The following ADGRV1 variants were observed in gnomAD, a reference collection of about 807,000 sequenced individuals.
ADGRV1 encodes G-protein coupled receptor 98.
ADGRV1 carries 359 observed loss-of-function variants against 596.2 expected under a neutral mutation model. That is an observed-to-expected ratio of 0.60 (90% confidence interval 0.55 to 0.66). ADGRV1 has a LOEUF of 0.66. Ranked by LOEUF, ADGRV1 falls within the 30% of genes least tolerant of loss-of-function variation. The pLI, the probability that ADGRV1 is intolerant of heterozygous loss-of-function variation, is 0.00. For missense variants in ADGRV1, 7,274 were observed against 7,575.6 expected, an observed-to-expected ratio of 0.96 and a Z score of 1.48; for synonymous variants, 2,681 against 2,679.2, an observed-to-expected ratio of 1.00 and a Z score of -0.02.
chr5:90,987,307 T>C (rs1201285961), intron 85 of ADGRV1, among the ~76,000 whole-genome samples: 1 of 151,780 alleles, frequency 6.6e-6, no homozygotes, highest in African/African-American at 2.4e-5. Flanking sequence ...CCATCTCTAG[T>C]AAAAATACAA....
intron 21 of ADGRV1, among the ~76,000 whole-genome samples, chr5:90,662,539 C>T (rs1182041794): frequency 6.6e-6 from 1 of 151,948 alleles, no homozygotes; most frequent in Non-Finnish European, 1.5e-5. Context: ...TGTTATTTCT[C>T]TGTAAATTCA....
chr5:91,074,511 T>A (rs916102682), intron 86 of ADGRV1, among the ~76,000 whole-genome samples: 2 of 152,210 alleles, frequency 1.3e-5, no homozygotes, highest in African/African-American at 4.8e-5. Context: ...TGATCTCGGT[T>A]TTTTATGACT....
At chr5:90,743,015 A>C (rs77410088) in intron 50 of ADGRV1, among the ~76,000 whole-genome samples, 2,193 of 152,280 alleles carry the variant, frequency 0.014, 43 homozygotes, top group African/African-American at 0.05. Flanking sequence ...CAGAGTAAGC[A>C]CTACTGATTA....
rs769757245 is a variant in ADGRV1 at position 90,690,866 on chromosome 5, T to C, written c.6776T>C (p.Ile2259Thr). ...TCAGTGAAGGTAAACCTGCCAATAA[T>C]TCGAAATTCTGGGACACTCGGCAAT... ...FNSVKVNLPI[I>T]RNSGTLGNVT... Residue 2259 changes from isoleucine to threonine, a missense_variant, in exon 31 of 90, where the codon ATT becomes ACT. Coordinates refer to ENST00000405460, the MANE Select transcript of ADGRV1 (RefSeq NM_032119.4). 4 of 1,611,886 alleles carry C rather than the reference T, an allele frequency of 2.5e-6. No homozygotes were observed. In the East Asian group the frequency reaches 8.9e-5, roughly 36 times the overall value.
At chr5:90,638,152 T>C (rs895118737) in intron 11 of ADGRV1, among the ~76,000 whole-genome samples, 15 of 152,064 alleles carry the variant, frequency 9.9e-5, no homozygotes, top group African/African-American at 2.2e-4. Flanking sequence ...TCAGTGAATT[T>C]TTACCCTGCT....
At chr5:90,866,315 A>ATGTT (rs1554140382) in intron 83 of ADGRV1, among the ~76,000 whole-genome samples, 9 of 138,218 alleles carry the variant, frequency 6.5e-5, no homozygotes, top group African/African-American at 2.3e-4. Flanking sequence ...GTATGTGTAT[A>ATGTT]TGTGTGTGTG....
At chr5:90,919,689 A>G (rs891438127) in intron 83 of ADGRV1, among the ~76,000 whole-genome samples, 3 of 152,184 alleles carry the variant, frequency 2.0e-5, no homozygotes, top group Non-Finnish European at 2.9e-5. Flanking sequence ...ATGTACTACT[A>G]GAATAGAAAG....
chr5:90,951,871 C>T (rs12517229), intron 83 of ADGRV1, among the ~76,000 whole-genome samples: 3,056 of 152,112 alleles, frequency 0.02, 146 homozygotes, highest in East Asian at 0.16. Flanking sequence ...AAAGAGTTGA[C>T]GCTATTTTTA....
chr5:90,863,895 GT>G (rs1767843749), intron 83 of ADGRV1, 38 bp downstream of exon 83: 2 of 1,292,090 alleles, frequency 1.5e-6, no homozygotes, highest in Non-Finnish European at 2.2e-6. Context: ...ATCGTGAGAT[GT>G]TTGTGTTTCT....
intron 85 of ADGRV1, among the ~76,000 whole-genome samples, chr5:90,996,959 C>T (rs956505776): frequency 3.3e-5 from 5 of 152,158 alleles, no homozygotes; most frequent in Non-Finnish European, 7.3e-5. Flanking sequence ...GAGCATTTAC[C>T]CAATGCCTGT....
chr5:91,113,892 C>T (rs1792608606), intron 87 of ADGRV1, among the ~76,000 whole-genome samples: 1 of 150,504 alleles, frequency 6.6e-6, no homozygotes, highest in Admixed American at 6.6e-5. Context: ...TTACTCCAGC[C>T]TGGGCAACAG....
At chr5:90,733,784 G>A (rs1437184976) in intron 50 of ADGRV1, among the ~76,000 whole-genome samples, 1 of 152,056 alleles carries the variant, frequency 6.6e-6, no homozygotes, top group Admixed American at 6.5e-5. Context: ...ACATTTTTGT[G>A]ATGATACAGT....
At chr5:90,937,479 A>G (rs914189136) in intron 83 of ADGRV1, among the ~76,000 whole-genome samples, 1 of 125,488 alleles carries the variant, frequency 8.0e-6, no homozygotes, top group African/African-American at 3.0e-5. Context: ...TTTTTTTGAG[A>G]CGGAGTCTAG....
intron 78 of ADGRV1, among the ~76,000 whole-genome samples, chr5:90,841,538 TA>T (rs1316461481): frequency 6.6e-6 from 1 of 152,176 alleles, no homozygotes; most frequent in African/African-American, 2.4e-5. Flanking sequence ...GATTTTATTT[TA>T]AACCTATTTA....
At chr5:91,076,647 A>G (rs536685358) in intron 86 of ADGRV1, among the ~76,000 whole-genome samples, 3 of 152,292 alleles carry the variant, frequency 2.0e-5, no homozygotes, top group African/African-American at 7.2e-5. Flanking sequence ...CTGTTTGTAA[A>G]TATTCCTCAA....
At chr5:90,735,595 C>T (rs769231018) in intron 50 of ADGRV1, among the ~76,000 whole-genome samples, 39 of 152,054 alleles carry the variant, frequency 2.6e-4, no homozygotes, top group Non-Finnish European at 5.0e-4. Flanking sequence ...CTGTAGATCA[C>T]TTTGGGTAGC....
At chr5:90,628,136 C>G (rs1243200269) in intron 7 of ADGRV1, among the ~76,000 whole-genome samples, 1 of 151,450 alleles carries the variant, frequency 6.6e-6, no homozygotes, top group Non-Finnish European at 1.5e-5. Flanking sequence ...ACCTGTAATC[C>G]CAGCACTTTG....
intron 70 of ADGRV1, among the ~76,000 whole-genome samples, chr5:90,793,981 C>G (rs1317152078): frequency 6.6e-6 from 1 of 152,196 alleles, no homozygotes; most frequent in Non-Finnish European, 1.5e-5. Context: ...AAAGGTGTGA[C>G]ATGCACTTAA....
intron 21 of ADGRV1, among the ~76,000 whole-genome samples, chr5:90,670,775 G>A (rs1321276017): frequency 1.3e-5 from 2 of 152,070 alleles, no homozygotes; most frequent in African/African-American, 4.8e-5. Flanking sequence ...ACCATTTACT[G>A]GTACACTGAT....
Sources: allele counts gnomAD v4.1 joint callset (sites outside exome capture counted in the v4.1 genomes callset), GRCh38; gene constraint gnomAD v4.1.1; transcripts MANE v1.5; gene names NCBI Gene and HGNC (gene_info 2026-07-23, HGNC 2026-07-21).